Variants in SLC39A11 observed in about 807,000 individuals in gnomAD.
SLC39A11 encodes the protein solute carrier family 39 member 11.
In SLC39A11, 33 loss-of-function variants were observed where a neutral mutation model predicts 36.1. The ratio of observed to expected loss-of-function variants is 0.91; its 90% confidence interval spans 0.69 to 1.22. The LOEUF (loss-of-function observed/expected upper bound fraction) is 1.22. SLC39A11 is among the 50% of genes most tolerant of loss of function. SLC39A11 has a pLI of 0.00. For missense variants in SLC39A11, 432 were observed against 430.3 expected (o/e 1.00, Z -0.03); for synonymous variants, 166 against 170.3 (o/e 0.97, Z 0.20).
chr17:72,892,596 T>A (rs548481088), intron 5 of SLC39A11, among the ~76,000 whole-genome samples: 19 of 152,076 alleles, frequency 1.2e-4, no homozygotes, highest in Non-Finnish European at 2.6e-4. Flanking sequence ...CCCCACTGAT[T>A]TGGGGTTATT....
chr17:73,011,258 G>C (rs1409038595), intron 4 of SLC39A11, among the ~76,000 whole-genome samples: 3 of 152,242 alleles, frequency 2.0e-5, no homozygotes, highest in Non-Finnish European at 4.4e-5. Context: ...GCCCCAGGCA[G>C]AGCTGGCGCA....
chr17:72,710,745 CTTCCTAGATTATT>C (rs1728550364), intron 7 of SLC39A11, among the ~76,000 whole-genome samples: 1 of 152,230 alleles, frequency 6.6e-6, no homozygotes, highest in Admixed American at 6.5e-5. Flanking sequence ...CACGTAGTGT[CTTCCTAGATTATT>C]TTAGTTGAAT....
intron 4 of SLC39A11, among the ~76,000 whole-genome samples, chr17:72,966,718 C>G (rs556825964): frequency 6.6e-6 from 1 of 152,086 alleles, no homozygotes; most frequent in Non-Finnish European, 1.5e-5. Context: ...TACAGGCGCC[C>G]GCCACCACGC....
chr17:72,940,277 C>CT (rs5821935), intron 5 of SLC39A11, among the ~76,000 whole-genome samples: 123,410 of 144,842 alleles, frequency 0.85, 55,438 homozygotes, highest in Non-Finnish European at 0.99. Flanking sequence ...AGCCATCTGA[C>CT]TTTTTTTTTT....
intron 5 of SLC39A11, among the ~76,000 whole-genome samples, chr17:72,918,134 C>T (rs994293867): frequency 6.6e-6 from 1 of 152,216 alleles, no homozygotes; most frequent in Admixed American, 6.5e-5. Context: ...GCTGGCTAGG[C>T]GTGGTGGCTC....
chr17:73,021,724 T>C (rs1328968810), intron 4 of SLC39A11, among the ~76,000 whole-genome samples: 2 of 152,174 alleles, frequency 1.3e-5, no homozygotes, highest in Non-Finnish European at 2.9e-5. Context: ...TTCATAAACA[T>C]GTGGCTGAGC....
Position 72,769,352 on chromosome 17 carries a change from T to C in SLC39A11, c.602-32633A>G, listed in dbSNP as rs576533403. On this transcript the variant is annotated intron_variant, in intron 6 of 9. Transcript: ENST00000255559. ...TTAAAAACCCGTGCATTACATACAA[T>C]AGAACATTATTCAACCTTAAAAAGG... is the stretch of plus-strand genomic sequence containing the variant. Among the ~76,000 whole-genome samples the C allele has an allele frequency of 6.6e-4, 101 of 152,258 alleles. No individual in the cohort carries two copies. The Middle Eastern group carries it at 0.01, about 15-fold the overall frequency.
chr17:72,951,935 T>C (rs1367104664), intron 4 of SLC39A11, among the ~76,000 whole-genome samples: 3 of 152,136 alleles, frequency 2.0e-5, no homozygotes, highest in African/African-American at 4.8e-5. Flanking sequence ...GTGGGTTGCA[T>C]TGCTTTATTT....
intron 5 of SLC39A11, among the ~76,000 whole-genome samples, chr17:72,934,031 G>GA (rs909167399): frequency 1.4e-3 from 200 of 141,076 alleles, no homozygotes; most frequent in South Asian, 8.5e-3. Context: ...ACATCCATAT[G>GA]AAAAAAAAAA....
intron 7 of SLC39A11, among the ~76,000 whole-genome samples, chr17:72,656,473 G>C (rs768310222): frequency 6.6e-6 from 1 of 152,124 alleles, no homozygotes; most frequent in Non-Finnish European, 1.5e-5. Context: ...AGGGGCATCC[G>C]TGTGTAGAGT....
chr17:72,827,032 CA>C (rs2078057742), intron 6 of SLC39A11, among the ~76,000 whole-genome samples: 1 of 152,112 alleles, frequency 6.6e-6, no homozygotes, highest in Non-Finnish European at 1.5e-5. Context: ...TGCCGTTATA[CA>C]AAAACTTGTA....
At chr17:72,985,251 C>T (rs888757673) in intron 4 of SLC39A11, among the ~76,000 whole-genome samples, 4 of 152,158 alleles carry the variant, frequency 2.6e-5, no homozygotes, top group African/African-American at 7.2e-5. Context: ...ACGCAGACAG[C>T]GCCCACAGAA....
intron 5 of SLC39A11, among the ~76,000 whole-genome samples, chr17:72,887,354 C>T (rs4503863): frequency 0.5 from 76,627 of 151,750 alleles, 20,775 homozygotes; most frequent in East Asian, 0.72. Context: ...ATCGAAACTC[C>T]GTTTTCAAGC....
At chr17:72,653,000 G>A (rs1474898215) in intron 7 of SLC39A11, among the ~76,000 whole-genome samples, 1 of 152,166 alleles carries the variant, frequency 6.6e-6, no homozygotes, top group African/African-American at 2.4e-5. Flanking sequence ...TAAATGTCTG[G>A]AGGCTGGACG....
At chr17:72,750,830 T>C (rs1390484652) in intron 6 of SLC39A11, among the ~76,000 whole-genome samples, 1 of 152,044 alleles carries the variant, frequency 6.6e-6, no homozygotes, top group Admixed American at 6.6e-5. Flanking sequence ...AGTTCAGCAA[T>C]TGTCAGGCTT....
intron 7 of SLC39A11, among the ~76,000 whole-genome samples, chr17:72,713,675 T>C (rs1290986323): frequency 6.6e-6 from 1 of 152,172 alleles, no homozygotes; most frequent in South Asian, 2.1e-4. Flanking sequence ...CTATATCTAA[T>C]TGGACCCCAA....
chr17:72,753,598 T>C (rs1336917780), intron 6 of SLC39A11, among the ~76,000 whole-genome samples: 1 of 152,164 alleles, frequency 6.6e-6, no homozygotes, highest in Non-Finnish European at 1.5e-5. Flanking sequence ...CTCCCTGTTT[T>C]CTCCAGAGTA....
chr17:72,751,587 T>G (rs945873922), intron 6 of SLC39A11, among the ~76,000 whole-genome samples: 8 of 150,784 alleles, frequency 5.3e-5, no homozygotes, highest in Non-Finnish European at 1.0e-4. Flanking sequence ...AGCTCTTTGG[T>G]TTTTTTTTGA....
At chr17:72,966,734 T>A (rs948833086) in intron 4 of SLC39A11, among the ~76,000 whole-genome samples, 1 of 151,980 alleles carries the variant, frequency 6.6e-6, no homozygotes, top group African/African-American at 2.4e-5. Flanking sequence ...CACGCCCAGC[T>A]AATTTTTTGT....
Sources: gnomAD v4.1 joint callset for allele counts (sites outside exome capture counted in the v4.1 genomes callset) on GRCh38, gnomAD v4.1.1 for gene constraint, MANE v1.5 for transcripts, NCBI Gene and HGNC (gene_info 2026-07-23, HGNC 2026-07-21) for gene names.